The following SLC7A1 variants were observed in gnomAD, a reference collection of about 807,000 sequenced individuals.
The protein encoded by SLC7A1 is high affinity cationic amino acid transporter 1.
Under a neutral mutation model 53.9 loss-of-function variants are expected in SLC7A1, and 10 were observed. The ratio of observed to expected loss-of-function variants is 0.19; its 90% CI spans 0.11 to 0.31. SLC7A1 has a LOEUF of 0.31. SLC7A1 is among the 10% of genes least tolerant of loss of function. SLC7A1 has a pLI of 1.00. For synonymous variants in SLC7A1, 342 were observed against 338.7 expected (o/e 1.01, Z -0.11); for missense variants, 525 against 827.2 (o/e 0.63, Z 4.48).
chr13:29,583,160 C>T (rs1871725869), intron 1 of SLC7A1, among the ~76,000 whole-genome samples: 1 of 152,210 alleles, frequency 6.6e-6, no homozygotes, highest in Non-Finnish European at 1.5e-5. Context: ...CAGGCCCCAC[C>T]CCAGAACTGT....
intron 1 of SLC7A1, among the ~76,000 whole-genome samples, chr13:29,575,164 G>A (rs969129329): frequency 2.6e-5 from 4 of 152,178 alleles, no homozygotes; most frequent in African/African-American, 9.7e-5. Context: ...ACTTTTTCTA[G>A]GCCCCTTTGT....
intron 2 of SLC7A1, among the ~76,000 whole-genome samples, chr13:29,544,757 G>C (rs967980557): frequency 1.5e-4 from 23 of 150,608 alleles, no homozygotes; most frequent in African/African-American, 5.6e-4. Context: ...AAATTCTGGG[G>C]AATGGCATGG....
At chr13:29,591,437 A>C (rs146769732) in intron 1 of SLC7A1, among the ~76,000 whole-genome samples, 4 of 152,158 alleles carry the variant, frequency 2.6e-5, no homozygotes, top group African/African-American at 7.2e-5. Flanking sequence ...ACAGCGTAGA[A>C]GCCCCATAAC....
intron 1 of SLC7A1, among the ~76,000 whole-genome samples, chr13:29,569,291 CAAA>C (rs1202966109): frequency 2.6e-5 from 4 of 152,288 alleles, no homozygotes; most frequent in African/African-American, 9.6e-5. Flanking sequence ...GGTGCAGCCT[CAAA>C]ACCATCCCTT....
intron 1 of SLC7A1, among the ~76,000 whole-genome samples, chr13:29,592,594 ACAGGGGTGGTTATTTT>A (rs1368010601): frequency 1.3e-5 from 2 of 152,298 alleles, no homozygotes; most frequent in East Asian, 3.9e-4. Context: ...ACACTGAACC[ACAGGGGTGGTTATTTT>A]CAAGGCTGCT....
At chr13:29,538,868 G>A (rs116029786) in intron 2 of SLC7A1, among the ~76,000 whole-genome samples, 12 of 152,202 alleles carry the variant, frequency 7.9e-5, no homozygotes, top group African/African-American at 2.6e-4. Flanking sequence ...TTAAGTAGAC[G>A]GAGCCTTGAA....
At chr13:29,542,353 G>A (rs1283311134) in intron 2 of SLC7A1, among the ~76,000 whole-genome samples, 3 of 152,132 alleles carry the variant, frequency 2.0e-5, no homozygotes, top group Non-Finnish European at 4.4e-5. Flanking sequence ...TACCCGGGAG[G>A]CTGAGGCAGG....
chr13:29,552,898 A>G (rs544854813), intron 2 of SLC7A1, among the ~76,000 whole-genome samples: 4 of 152,066 alleles, frequency 2.6e-5, no homozygotes, highest in African/African-American at 9.7e-5. Flanking sequence ...GTCTCCGACC[A>G]AGCTGGTCTC....
chr13:29,518,991 T>C (rs1868499119), intron 9 of SLC7A1, among the ~76,000 whole-genome samples: 1 of 152,126 alleles, frequency 6.6e-6, no homozygotes, highest in Admixed American at 6.5e-5. Flanking sequence ...CCATGCCACA[T>C]AATGGGATTC....
chr13:29,510,065 T>G lies in SLC7A1; in HGVS notation c.*4415A>C, dbSNP rs1244778315. ...ATCTTTCCATCCTGCTTCCTGACCC[T>G]GCTGGACACACTAATAAATACCCTG... On this transcript the variant is annotated 3_prime_UTR_variant, in exon 13 of 13. Transcript: ENST00000380752. 6.5e-6 allele frequency: 1 copy of G among 152,688 alleles called. No homozygotes were observed. The highest frequency in any genetic ancestry group is 2.4e-5 in the African/African-American group (1 of 41,468). 9.5% of individuals were successfully genotyped at this position (152,688 alleles called of 1,614,324 possible).
intron 2 of SLC7A1, among the ~76,000 whole-genome samples, chr13:29,539,014 A>C (rs1204651001): frequency 6.6e-6 from 1 of 152,134 alleles, no homozygotes; most frequent in Non-Finnish European, 1.5e-5. Context: ...TCTCTCCATA[A>C]AACACTAAAG....
chr13:29,519,432 A>G lies in SLC7A1; in HGVS notation c.1292+15T>C, dbSNP rs79281244. The G allele has an allele frequency of 3.5e-3, 5,295 of 1,526,232 alleles. 128 individuals are homozygous for G. The African/African-American group carries it at 0.066, about 19-fold the overall frequency. 94.5% of individuals were successfully genotyped at this position (1,526,232 alleles called of 1,614,324 possible). A position where few individuals can be genotyped will look rare whatever the true frequency, so the allele number is the denominator to read the frequency against. Reference sequence around the variant, plus strand: ...TCTGCATTTCTGTCATGAGACCCCCAAAAGCCATACATACCGTAAGACCAA... The same window carrying G: ...TCTGCATTTCTGTCATGAGACCCCCGAAAGCCATACATACCGTAAGACCAA... On this transcript the variant is annotated intron_variant, in intron 9 of 12. Transcript: ENST00000380752.
At chr13:29,576,323 G>T (rs988209154) in intron 1 of SLC7A1, among the ~76,000 whole-genome samples, 28 of 117,734 alleles carry the variant, frequency 2.4e-4, no homozygotes, top group Non-Finnish European at 1.2e-4. Flanking sequence ...GAAAACAAAA[G>T]AAATTTAAAG....
At chr13:29,581,482 GT>G (rs1388132444) in intron 1 of SLC7A1, among the ~76,000 whole-genome samples, 2 of 152,224 alleles carry the variant, frequency 1.3e-5, no homozygotes, top group Non-Finnish European at 2.9e-5. Context: ...ACAGAGATGT[GT>G]GGGAGCCATG....
chr13:29,574,522 C>T (rs1361067001), intron 1 of SLC7A1, among the ~76,000 whole-genome samples: 2 of 152,058 alleles, frequency 1.3e-5, no homozygotes, highest in Non-Finnish European at 2.9e-5. Flanking sequence ...CACATGAATA[C>T]ATGAATGGAG....
chr13:29,549,928 C>A (rs1639005005), intron 2 of SLC7A1, among the ~76,000 whole-genome samples: 1 of 152,240 alleles, frequency 6.6e-6, no homozygotes, highest in Non-Finnish European at 1.5e-5. Flanking sequence ...CTCACAAAGT[C>A]CTGGGATTAC....
intron 1 of SLC7A1, among the ~76,000 whole-genome samples, chr13:29,585,148 T>C (rs1249398708): frequency 2.6e-5 from 4 of 152,196 alleles, no homozygotes. Context: ...CTCACTTTCT[T>C]GGGCATCATC....
intron 1 of SLC7A1, among the ~76,000 whole-genome samples, chr13:29,594,012 G>A (rs759884879): frequency 6.6e-6 from 1 of 152,112 alleles, no homozygotes; most frequent in Admixed American, 6.5e-5. Context: ...CTGTTCGTGT[G>A]ACTTAAATAA....
intron 1 of SLC7A1, among the ~76,000 whole-genome samples, chr13:29,572,613 T>C (rs1461718519): frequency 6.6e-6 from 1 of 152,162 alleles, no homozygotes; most frequent in African/African-American, 2.4e-5. Flanking sequence ...TAAACTTGGA[T>C]TTGGAAGCAC....
Sources: allele counts gnomAD v4.1 joint callset (sites outside exome capture counted in the v4.1 genomes callset), GRCh38; gene constraint gnomAD v4.1.1; transcripts MANE v1.5; gene names NCBI Gene and HGNC (gene_info 2026-07-23, HGNC 2026-07-21).